The following SRFBP1 variants were observed in gnomAD, a reference collection of about 807,000 sequenced individuals.
SRFBP1 encodes serum response factor-binding protein 1.
In SRFBP1, 47 loss-of-function variants were observed where a neutral mutation model predicts 45.5. The observed-to-expected ratio is 1.03, with a 90% CI of 0.82 to 1.32. SRFBP1 has a LOEUF of 1.32. SRFBP1 is among the 40% of genes most tolerant of loss of function. The probability of loss-of-function intolerance (pLI) is 0.00; values close to 1 mark genes in which losing one functional copy is unlikely to be tolerated. For synonymous variants in SRFBP1, 203 were observed against 166.3 expected (o/e 1.22, Z -1.70); for missense variants, 621 against 484.6 (o/e 1.28, Z -2.64).
chr5:122,024,956 TTTTTTA>T (rs1753447041), intron 7 of SRFBP1, among the ~76,000 whole-genome samples: 1 of 152,196 alleles, frequency 6.6e-6, no homozygotes, highest in African/African-American at 2.4e-5. Flanking sequence ...TTGTTTTGTT[TTTTTTA>T]TTTTTATTAT....
chr5:121,999,073 T>G (rs1752799106), intron 4 of SRFBP1, among the ~76,000 whole-genome samples: 2 of 152,220 alleles, frequency 1.3e-5, no homozygotes, highest in Admixed American at 6.5e-5. Context: ...TGTGGAAGCT[T>G]AAATTACTGG....
At chr5:121,998,836 G>A (rs78716778) in intron 4 of SRFBP1, among the ~76,000 whole-genome samples, 1 of 152,152 alleles carries the variant, frequency 6.6e-6, no homozygotes, top group East Asian at 1.9e-4. Context: ...CCAGTGTTAG[G>A]TGGCATCATC....
At chr5:122,072,937 CTG>C (rs1203943838) in intron 2 of SRFBP1, among the ~76,000 whole-genome samples, 41 of 152,172 alleles carry the variant, frequency 2.7e-4, no homozygotes, top group African/African-American at 9.7e-4. Flanking sequence ...AAAAGGGAAT[CTG>C]TATATGCACA....
chr5:122,008,192 G>A (rs1052320855), intron 4 of SRFBP1, among the ~76,000 whole-genome samples: 4 of 152,086 alleles, frequency 2.6e-5, no homozygotes, highest in African/African-American at 9.7e-5. Context: ...CCGAAGCCTG[G>A]GGCCATGGGG....
chr5:122,008,380 T>C (rs1176922061), intron 4 of SRFBP1, among the ~76,000 whole-genome samples: 6 of 152,120 alleles, frequency 3.9e-5, no homozygotes, highest in Non-Finnish European at 1.5e-5. Context: ...TCGGGGCCTG[T>C]GACGACCTTC....
At chr5:121,987,854 G>A (rs1752547050) in intron 3 of SRFBP1, among the ~76,000 whole-genome samples, 2 of 152,152 alleles carry the variant, frequency 1.3e-5, no homozygotes, top group Admixed American at 1.3e-4. Context: ...ATACAGAATA[G>A]TTTGGTTACA....
At chr5:121,973,860 A>G (rs886732708) in intron 1 of SRFBP1, among the ~76,000 whole-genome samples, 13 of 152,034 alleles carry the variant, frequency 8.6e-5, no homozygotes, top group Admixed American at 3.3e-4. Context: ...TACAAAGATG[A>G]ATATGACAGG....
rs78270259 is a variant in SRFBP1, at chr5:121,973,902, A to T, written c.37-294A>T. Among the ~76,000 whole-genome samples, 767 of 152,016 alleles carry T rather than the reference A, an allele frequency of 5.0e-3. 10 individuals carry two copies. The highest frequency in any genetic ancestry group is 0.017 in the African/African-American group (725 of 41,544). ...TTTCAGGGAACTCACTGTTTATTAT[A>T]TTCCAAGCCCAGCAAGATATAAGTG... On this transcript the variant is annotated intron_variant, in intron 1 of 7. Transcript: ENST00000339397.
chr5:121,998,589 G>A (rs1360113267), intron 4 of SRFBP1, among the ~76,000 whole-genome samples: 4 of 147,856 alleles, frequency 2.7e-5, no homozygotes, highest in East Asian at 4.1e-4. Context: ...TGGGTGCAGC[G>A]CACCAGCATG....
At chr5:122,030,496 G>T (rs75127178), downstream of SRFBP1, among the ~76,000 whole-genome samples, 33 of 152,174 alleles carry the variant, frequency 2.2e-4, no homozygotes, top group African/African-American at 7.7e-4. Flanking sequence ...ATGGTTAACT[G>T]GAAGGCTTAA....
At chr5:121,962,131 G>A (rs1479238239) in intron 1 of SRFBP1, 63 bp downstream of exon 1, 1 of 1,599,896 alleles carries the variant, frequency 6.3e-7, no homozygotes, top group Non-Finnish European at 8.5e-7. Flanking sequence ...CTTTTGAGAC[G>A]CGTGGTCGGA....
downstream of SRFBP1, among the ~76,000 whole-genome samples, chr5:122,031,084 C>T (rs1274780470): frequency 6.6e-6 from 1 of 152,044 alleles, no homozygotes; most frequent in Non-Finnish European, 1.5e-5. Flanking sequence ...AAGGTGTGCC[C>T]CAACACACAG....
At chr5:122,032,684 G>A (rs78448782), downstream of SRFBP1, among the ~76,000 whole-genome samples, 620 of 152,268 alleles carry the variant, frequency 4.1e-3, 14 homozygotes, top group East Asian at 0.052. Context: ...CTATCTATGG[G>A]TATGTGGATT....
downstream of SRFBP1, among the ~76,000 whole-genome samples, chr5:122,029,370 A>T (rs1468733864): frequency 6.6e-6 from 1 of 152,078 alleles, no homozygotes; most frequent in African/African-American, 2.4e-5. Flanking sequence ...CACAAACTAT[A>T]CCTGGGCTTG....
chr5:122,076,624 A>G (rs1172725250), downstream of SRFBP1, among the ~76,000 whole-genome samples: 1 of 152,200 alleles, frequency 6.6e-6, no homozygotes, highest in East Asian at 1.9e-4. Context: ...AGTATCTTGG[A>G]AAAAGAGCAT....
At chr5:122,011,019 T>C (rs962068758) in intron 4 of SRFBP1, among the ~76,000 whole-genome samples, 3 of 152,150 alleles carry the variant, frequency 2.0e-5, no homozygotes, top group Non-Finnish European at 2.9e-5. Flanking sequence ...TTTGCTGTTA[T>C]TTTGCTAAAT....
At chr5:122,006,817 T>C (rs1752984592) in intron 4 of SRFBP1, among the ~76,000 whole-genome samples, 1 of 151,958 alleles carries the variant, frequency 6.6e-6, no homozygotes. Flanking sequence ...TTAATTTGTT[T>C]CTGAATGTAT....
At chr5:121,983,017 A>G (rs1264675673) in intron 3 of SRFBP1, among the ~76,000 whole-genome samples, 1 of 151,804 alleles carries the variant, frequency 6.6e-6, no homozygotes, top group Non-Finnish European at 1.5e-5. Context: ...CTGAAATAAT[A>G]TGGTGCTTGA....
intron 4 of SRFBP1, among the ~76,000 whole-genome samples, chr5:121,996,149 C>T (rs1164252223): frequency 2.0e-5 from 3 of 147,410 alleles, no homozygotes; most frequent in Admixed American, 6.8e-5. Context: ...GGGAATCCTC[C>T]CTAACTCATT....
Sources: gnomAD v4.1 joint callset for allele counts (sites outside exome capture counted in the v4.1 genomes callset) on GRCh38, gnomAD v4.1.1 for gene constraint, MANE v1.5 for transcripts, NCBI Gene and HGNC (gene_info 2026-07-23, HGNC 2026-07-21) for gene names.